CRHBP: variants seen among roughly 807,000 people sequenced by gnomAD.
The protein encoded by CRHBP is corticotropin-releasing hormone-binding protein.
In CRHBP, 19 loss-of-function variants were observed where a neutral mutation model predicts 34.9. The ratio of observed to expected loss-of-function variants is 0.55; its 90% CI spans 0.38 to 0.80. The LOEUF is 0.80. Ranked by LOEUF, CRHBP falls within the 30% of genes least tolerant of loss-of-function variation. The pLI is 0.00. For synonymous variants in CRHBP, 154 were observed against 153.4 expected, an observed-to-expected ratio of 1.00 and a Z score of -0.03; for missense variants, 328 against 409.2, an observed-to-expected ratio of 0.80 and a Z score of 1.71.
At chr5:76,953,919 C>T in intron 2 of CRHBP, 110 bp from the exon 3 acceptor site, 1 of 1,350,656 alleles carries the variant, frequency 7.4e-7, no homozygotes, top group Non-Finnish European at 9.9e-7. Context: ...GAAGTCGGGG[C>T]GCTGGGCACT....
rs1217438516 is a variant in CRHBP, at chr5:76,954,142, T to C, written c.289T>C (p.Tyr97His). 10 of 1,613,832 alleles carry C rather than the reference T, an allele frequency of 6.2e-6. No individual in the cohort carries two copies. Among genetic ancestry groups the C allele is most frequent in the Non-Finnish European group, 8.5e-6 (10 of 1,179,932 alleles). ...SEPEEFITIH[Y>H]DQVSIDCQGG... ...GCCCGAGGAGTTCATTACCATCCACTACGACCAGGTCTCCATCGACTGTCA... is the reference window on the plus strand; with the variant it reads ...GCCCGAGGAGTTCATTACCATCCACCACGACCAGGTCTCCATCGACTGTCA... The change falls in exon 3 of 7, where the codon TAC becomes CAC. Residue 97 changes from tyrosine to histidine, a missense_variant. Tyr to His is a moderately conservative substitution (Grantham distance 83). Coordinates refer to ENST00000274368, the MANE Select transcript of CRHBP (RefSeq NM_001882.4).
At chr5:76,956,235 C>G (rs1249465621) in intron 4 of CRHBP, among the ~76,000 whole-genome samples, 1 of 152,118 alleles carries the variant, frequency 6.6e-6, no homozygotes, top group Non-Finnish European at 1.5e-5. Context: ...TAGAGATATT[C>G]AGGCACAGGC....
intron 5 of CRHBP, among the ~76,000 whole-genome samples, chr5:76,960,730 G>A (rs537877660): frequency 6.6e-6 from 1 of 152,036 alleles, no homozygotes; most frequent in East Asian, 1.9e-4. Context: ...TCTTACATTT[G>A]GTACAAGGAA....
At chr5:76,978,206 T>G (rs1195871092) in intron 3 of CRHBP, among the ~76,000 whole-genome samples, 1 of 152,140 alleles carries the variant, frequency 6.6e-6, no homozygotes, top group Non-Finnish European at 1.5e-5. Flanking sequence ...AGATCATTGA[T>G]GAAGGTGGCT....
intron 5 of CRHBP, among the ~76,000 whole-genome samples, chr5:76,959,579 G>A (rs749537159): frequency 1.3e-5 from 2 of 152,140 alleles, no homozygotes; most frequent in African/African-American, 4.8e-5. Context: ...CACATGACTA[G>A]GTTAAGATAA....
chr5:76,956,748 C>T, intron 4 of CRHBP, among the ~76,000 whole-genome samples: 1 of 151,736 alleles, frequency 6.6e-6, no homozygotes, highest in Admixed American at 6.6e-5. Flanking sequence ...AATGAATTTA[C>T]TCATCTGCTA....
At chr5:76,980,325 C>G (rs937571431) in intron 3 of CRHBP, among the ~76,000 whole-genome samples, 6 of 151,294 alleles carry the variant, frequency 4.0e-5, no homozygotes, top group Non-Finnish European at 8.8e-5. Context: ...GACATCAAAG[C>G]TTGCTGGCTT....
downstream of CRHBP, among the ~76,000 whole-genome samples, chr5:76,973,728 A>G (rs1428123345): frequency 2.0e-5 from 3 of 152,166 alleles, no homozygotes; most frequent in Non-Finnish European, 4.4e-5. Flanking sequence ...CATTAGAGAG[A>G]AAACATGTTT....
intron 4 of CRHBP, among the ~76,000 whole-genome samples, chr5:76,956,747 A>T (rs1745677046): frequency 6.6e-6 from 1 of 152,024 alleles, no homozygotes; most frequent in African/African-American, 2.4e-5. Context: ...AAATGAATTT[A>T]CTCATCTGCT....
rs1397244251 is a variant in CRHBP, at chr5:76,955,810, A to G, written c.491A>G (p.His164Arg). 7 of 1,614,232 alleles carry G rather than the reference A, an allele frequency of 4.3e-6. No homozygotes were observed. Among genetic ancestry groups the G allele is most frequent in the Admixed American group, 1.7e-5 (1 of 60,024 alleles). The stretch of plus-strand genomic sequence containing the variant: ...GTGGCCATGATCTTCTTCCGAGTCC[A>G]TGAACCAGGAAATGGATTCACATTA... ...QNVAMIFFRV[H>R]EPGNGFTLTI... The change falls in exon 4 of 7, where the codon CAT becomes CGT. Residue 164 changes from histidine (H) to arginine (R), a missense_variant. Physicochemically the swap from His to Arg is conservative, Grantham distance 29 (BLOSUM62 0). This residue lies in a region of CRHBP where 144 missense variants were observed against 216.7 expected (regional missense o/e 0.66). Coordinates refer to ENST00000274368, the MANE Select transcript of CRHBP (RefSeq NM_001882.4).
chr5:76,954,849 T>G (rs1745644221), intron 3 of CRHBP, among the ~76,000 whole-genome samples: 3 of 152,230 alleles, frequency 2.0e-5, no homozygotes, highest in Admixed American at 2.0e-4. Context: ...GGATGGCTGA[T>G]GGAGCTCTAC....
downstream of CRHBP, among the ~76,000 whole-genome samples, chr5:76,973,549 T>A (rs116825150): frequency 5.4e-3 from 817 of 152,332 alleles, 6 homozygotes; most frequent in African/African-American, 0.019. Context: ...CAGTTTTATA[T>A]CAGTCTTCTC....
intron 4 of CRHBP, 112 bp from the exon 5 acceptor site, chr5:76,958,629 C>A (rs1745726885): frequency 1.6e-6 from 2 of 1,214,876 alleles, no homozygotes; most frequent in African/African-American, 1.5e-5. Flanking sequence ...TCTTCCTGGG[C>A]AGAAGGCCCT....
At chr5:76,963,276 T>C in intron 5 of CRHBP, 67 bp from the exon 6 acceptor site, 2 of 1,329,750 alleles carry the variant, frequency 1.5e-6, no homozygotes, top group Non-Finnish European at 2.2e-6. Context: ...GGACCCGCTG[T>C]TGGTCAAATG....
At chr5:76,973,365 C>T (rs1745976891), downstream of CRHBP, among the ~76,000 whole-genome samples, 1 of 152,194 alleles carries the variant, frequency 6.6e-6, no homozygotes, top group Non-Finnish European at 1.5e-5. Context: ...AGTCTTAGAA[C>T]AGTGATCCTT....
intron 5 of CRHBP, chr5:76,959,122 C>T: frequency 2.4e-6 from 1 of 422,552 alleles, no homozygotes; most frequent in Non-Finnish European, 4.2e-6. Context: ...GAATACTTTC[C>T]CTGTGATGTA....
At chr5:76,960,773 T>G (rs1013499238) in intron 5 of CRHBP, among the ~76,000 whole-genome samples, 4 of 77,230 alleles carry the variant, frequency 5.2e-5, no homozygotes, top group East Asian at 4.9e-4. Flanking sequence ...TTGTTTTTTG[T>G]TTTTTTTTTG....
chr5:76,965,031 A>C (rs906284552), intron 6 of CRHBP, among the ~76,000 whole-genome samples: 10 of 152,238 alleles, frequency 6.6e-5, no homozygotes, highest in East Asian at 3.9e-4. Flanking sequence ...AAAACACACA[A>C]AAAAATACAG....
chr5:76,967,238 C>T lies in CRHBP; in HGVS notation c.812-1490C>T, dbSNP rs573539114. Among the ~76,000 whole-genome samples, 324 of 151,528 alleles carry T rather than the reference C, an allele frequency of 2.1e-3. 3 individuals are homozygous for T. The highest frequency in any genetic ancestry group is 7.4e-3 in the African/African-American group (305 of 41,344). The stretch of plus-strand genomic sequence containing the variant: ...GCCTGGATGACAGAGCAAGATCCTG[C>T]CACAAAAAAAAGAAAGGAAAGGAAA... On this transcript the variant is annotated intron_variant, in intron 6 of 6. Transcript: ENST00000274368.
Sources: allele counts gnomAD v4.1 joint callset (sites outside exome capture counted in the v4.1 genomes callset), GRCh38; gene constraint gnomAD v4.1.1; regional missense constraint gnomAD v4.1.1; transcripts MANE v1.5; gene names NCBI Gene and HGNC (gene_info 2026-07-23, HGNC 2026-07-21).